The following NAALADL2 variants were observed in gnomAD, a reference collection of about 807,000 sequenced individuals.
The protein encoded by NAALADL2 is inactive N-acetylated-alpha-linked acidic dipeptidase-like protein 2.
A neutral mutation model predicts 87.2 loss-of-function variants in NAALADL2; 76 were observed. The ratio of observed to expected loss-of-function variants is 0.87; its 90% CI spans 0.72 to 1.05. The LOEUF (loss-of-function observed/expected upper bound fraction) is 1.05. Among genes scored for constraint, NAALADL2 ranks in the 50% least tolerant of loss-of-function variants. The probability of loss-of-function intolerance (pLI) is 0.00; values close to 1 mark genes in which losing one functional copy is unlikely to be tolerated. For missense variants in NAALADL2, 1,089 were observed against 945.8 expected, an observed-to-expected ratio of 1.15 and a Z score of -1.99; for synonymous variants, 354 against 331.0, an observed-to-expected ratio of 1.07 and a Z score of -0.75.
intron 5 of NAALADL2, among the ~76,000 whole-genome samples, chr3:175,423,440 C>T (rs1368717929): frequency 6.8e-6 from 1 of 146,126 alleles, no homozygotes; most frequent in Non-Finnish European, 1.5e-5. Context: ...CAACAGGCCC[C>T]GGTGTGTGAT....
chr3:175,225,337 T>C (rs1011595775), intron 2 of NAALADL2, among the ~76,000 whole-genome samples: 16 of 152,158 alleles, frequency 1.1e-4, no homozygotes, highest in Non-Finnish European at 2.4e-4. Flanking sequence ...CAATATAGTC[T>C]TAAAGGTATA....
At chr3:174,712,966 A>G (rs538485590) in intron 2 of NAALADL2, among the ~76,000 whole-genome samples, 4 of 138,354 alleles carry the variant, frequency 2.9e-5, no homozygotes, top group African/African-American at 1.1e-4. Flanking sequence ...CCCCAACCCC[A>G]CAACAGGCCC....
intron 5 of NAALADL2, among the ~76,000 whole-genome samples, chr3:175,404,729 G>T (rs1314808024): frequency 6.6e-6 from 1 of 152,120 alleles, no homozygotes; most frequent in African/African-American, 2.4e-5. Context: ...TATGGTTACA[G>T]TTCTAAATGG....
chr3:174,889,702 A>G (rs552027316), intron 1 of NAALADL2, among the ~76,000 whole-genome samples: 1 of 152,204 alleles, frequency 6.6e-6, no homozygotes, highest in African/African-American at 2.4e-5. Context: ...CTTTCCATGA[A>G]AGAAGAAAAG....
intron 1 of NAALADL2, among the ~76,000 whole-genome samples, chr3:174,911,225 TG>T (rs966308458): frequency 1.3e-5 from 2 of 152,136 alleles, no homozygotes; most frequent in African/African-American, 4.8e-5. Context: ...TCCACAGGTT[TG>T]GATATGAGAC....
rs747759207 is a variant in NAALADL2, at chr3:175,450,682, C to T, written c.1234+3310C>T. 3.1e-4 allele frequency among the ~76,000 whole-genome samples: 31 copies of T among 100,532 alleles called. 1 individual carries two copies. In the Admixed American group the frequency reaches 3.3e-3, roughly 11 times the overall value. 66.0% of individuals were successfully genotyped at this position (100,532 alleles called of 152,430 possible). ...TCATAATATAGTTGATGTAGTCTGT[C>T]AATAGGCTTGAGTCAACCAGAATCT... is the stretch of plus-strand genomic sequence containing the variant. On this transcript the variant is annotated intron_variant, in intron 6 of 13. Transcript: ENST00000454872.
At chr3:175,739,183 G>A (rs1049053487) in intron 12 of NAALADL2, among the ~76,000 whole-genome samples, 4 of 152,100 alleles carry the variant, frequency 2.6e-5, no homozygotes, top group African/African-American at 4.8e-5. Flanking sequence ...GCTTTCCTGA[G>A]ACCAGAAGTA....
chr3:174,812,645 C>G (rs1326161950), intron 3 of NAALADL2, among the ~76,000 whole-genome samples: 1 of 151,872 alleles, frequency 6.6e-6, no homozygotes, highest in Non-Finnish European at 1.5e-5. Context: ...TAGGAGATAA[C>G]AGGTCCATGC....
At chr3:174,602,900 T>G (rs1275052626) in intron 2 of NAALADL2, among the ~76,000 whole-genome samples, 3 of 152,112 alleles carry the variant, frequency 2.0e-5, no homozygotes, top group Non-Finnish European at 4.4e-5. Context: ...GTTTTTATTC[T>G]TCATTCTGTT....
chr3:175,763,853 G>A (rs2150156043), intron 13 of NAALADL2, among the ~76,000 whole-genome samples: 1 of 152,114 alleles, frequency 6.6e-6, no homozygotes, highest in African/African-American at 2.4e-5. Flanking sequence ...CAAAGACACT[G>A]CTGCATTACT....
At chr3:174,753,099 G>T (rs1306409406) in intron 3 of NAALADL2, among the ~76,000 whole-genome samples, 2 of 151,588 alleles carry the variant, frequency 1.3e-5, no homozygotes, top group African/African-American at 4.8e-5. Flanking sequence ...TCCCCTTTTT[G>T]CTTTCTTTCT....
intron 2 of NAALADL2, among the ~76,000 whole-genome samples, chr3:175,106,353 A>C (rs996555481): frequency 7.2e-5 from 11 of 152,086 alleles, no homozygotes; most frequent in African/African-American, 2.7e-4. Flanking sequence ...AACTATTTCC[A>C]TCAGATATAT....
chr3:175,592,301 T>C (rs199950298), intron 10 of NAALADL2, among the ~76,000 whole-genome samples: 2 of 17,740 alleles, frequency 1.1e-4, no homozygotes, highest in African/African-American at 1.8e-4. Flanking sequence ...CTTTTCTTTT[T>C]CTTTTCTTTT....
intron 2 of NAALADL2, among the ~76,000 whole-genome samples, chr3:175,190,803 C>T (rs1392837515): frequency 2.6e-5 from 4 of 151,660 alleles, no homozygotes; most frequent in Non-Finnish European, 4.4e-5. Flanking sequence ...GGTGAAACCC[C>T]GTCTCTACTA....
At chr3:175,500,528 C>T (rs939435658) in intron 9 of NAALADL2, among the ~76,000 whole-genome samples, 1 of 151,694 alleles carries the variant, frequency 6.6e-6, no homozygotes, top group Admixed American at 6.6e-5. Flanking sequence ...ATGGGGGCCT[C>T]CCATGTATCA....
chr3:175,331,241 A>C (rs945051592), intron 5 of NAALADL2, among the ~76,000 whole-genome samples: 2 of 152,202 alleles, frequency 1.3e-5, no homozygotes, highest in Non-Finnish European at 2.9e-5. Flanking sequence ...ATTAACACCA[A>C]TTCTCCTCAA....
intron 11 of NAALADL2, among the ~76,000 whole-genome samples, chr3:175,638,152 A>C (rs1161183329): frequency 6.6e-6 from 1 of 151,958 alleles, no homozygotes; most frequent in African/African-American, 2.4e-5. Flanking sequence ...AAGAAATTTT[A>C]TCTAAATTCA....
chr3:174,758,526 T>C (rs1288577910), intron 3 of NAALADL2, among the ~76,000 whole-genome samples: 2 of 152,150 alleles, frequency 1.3e-5, no homozygotes, highest in Non-Finnish European at 2.9e-5. Flanking sequence ...GCAGAAGTGT[T>C]TGAGGGGAGC....
intron 9 of NAALADL2, among the ~76,000 whole-genome samples, chr3:175,509,058 G>C (rs952499741): frequency 3.3e-5 from 5 of 151,686 alleles, no homozygotes; most frequent in Admixed American, 3.3e-4. Context: ...GGACGTTGTA[G>C]TGAGCTGAGA....
Sources: allele counts gnomAD v4.1 joint callset (sites outside exome capture counted in the v4.1 genomes callset), GRCh38; gene constraint gnomAD v4.1.1; transcripts MANE v1.5; gene names NCBI Gene and HGNC (gene_info 2026-07-23, HGNC 2026-07-21).